The following RERGL variants were observed in gnomAD, a reference collection of about 807,000 sequenced individuals.
RERGL encodes the protein RERG like, also known as ras-related and estrogen-regulated growth inhibitor-like protein.
RERGL carries 22 observed loss-of-function variants against 24.7 expected under a neutral mutation model. The ratio of observed to expected loss-of-function variants is 0.89; its 90% CI spans 0.64 to 1.27. RERGL has a LOEUF of 1.27. Among genes scored for constraint, RERGL ranks in the 50% most tolerant of loss-of-function variants. The probability of loss-of-function intolerance (pLI) is 0.00; values close to 1 mark genes in which losing one functional copy is unlikely to be tolerated. For synonymous variants in RERGL, 76 were observed against 82.6 expected (o/e 0.92, Z 0.43); for missense variants, 259 against 235.3 (o/e 1.10, Z -0.66).
intron 4 of RERGL, among the ~76,000 whole-genome samples, chr12:18,081,739 C>T (rs1046390910): frequency 2.0e-5 from 3 of 152,222 alleles, no homozygotes; most frequent in South Asian, 2.1e-4. Flanking sequence ...TTATTGAATT[C>T]TGGTGCTGTC....
intron 4 of RERGL, among the ~76,000 whole-genome samples, chr12:18,083,353 T>C (rs1296175725): frequency 1.3e-5 from 2 of 152,106 alleles, no homozygotes; most frequent in African/African-American, 4.8e-5. Flanking sequence ...TGTTTTTAAG[T>C]GTTCTTGAGT....
rs1378100875 is a variant in RERGL at position 18,084,570 on chromosome 12, A to G, written c.279T>C (p.Phe93=). 9 of 1,612,550 alleles carry G rather than the reference A, an allele frequency of 5.6e-6. No individual in the cohort carries two copies. In the Admixed American group the frequency reaches 1.5e-4, roughly 27 times the overall value. The change falls in exon 4 of 5, where the codon TTT becomes TTC. Residue 93 remains phenylalanine, a synonymous_variant. Coordinates refer to ENST00000538724, the MANE Select transcript of RERGL (RefSeq NM_001286201.2). ...YDISDRSSFA[F]AKALIYRIRE... is the part of the protein sequence containing the mutation. ...GGATTCTGTAGATCAGCGCTTTTGC[A>G]AAAGCAAATGAAGACCTATCACTGA...
In RERGL at chr12:18,081,375, T is replaced by C. The variant is rs753082756; in HGVS notation, c.431A>G (p.Asn144Ser). 12 of 1,614,088 alleles carry C rather than the reference T, an allele frequency of 7.4e-6. No homozygotes were observed. The highest frequency in any genetic ancestry group is 1.0e-5 in the Non-Finnish European group (12 of 1,179,988). The change falls in exon 5 of 5, where the codon AAC (asparagine) becomes AGC (serine). Residue 144 changes from asparagine (N) to serine (S), a missense_variant. By Grantham distance (46) the Asn-to-Ser change is conservative. Coordinates refer to ENST00000538724, the MANE Select transcript of RERGL (RefSeq NM_001286201.2). Reference protein sequence around the residue: ...WEEGQKLALENRCQFCELSAA... With the variant: ...WEEGQKLALESRCQFCELSAA... Reference sequence around the variant, plus strand: ...AGACAGTTCACAGAATTGGCATCGGTTTTCCAGTGCCAGCTTTTGCCCTTC... The same window carrying C: ...AGACAGTTCACAGAATTGGCATCGGCTTTCCAGTGCCAGCTTTTGCCCTTC...
chr12:18,087,308 C>T (rs1353816489), intron 2 of RERGL, among the ~76,000 whole-genome samples: 3 of 152,184 alleles, frequency 2.0e-5, no homozygotes, highest in Non-Finnish European at 4.4e-5. Flanking sequence ...GACTTCTTAA[C>T]TCCTACCAGG....
intron 2 of RERGL, among the ~76,000 whole-genome samples, chr12:18,086,995 A>C (rs1947227549): frequency 6.6e-6 from 1 of 152,274 alleles, no homozygotes; most frequent in Non-Finnish European, 1.5e-5. Context: ...TTGATTATTT[A>C]TTTGTCTTAT....
At position 18,082,168 on chromosome 12, in the gene RERGL, G is replaced by A. The variant is rs531434411; in HGVS notation, c.333-695C>T. On this transcript the variant is annotated intron_variant, in intron 4 of 4. Transcript: ENST00000538724. ...CAAAAAAAAAAAAAAAAGAATGAGA[G>A]CATGCCCTTTGCGGGGACATGGATG... 1.5e-3 allele frequency among the ~76,000 whole-genome samples: 226 copies of A among 150,278 alleles called. 2 individuals are homozygous for A. The highest frequency in any genetic ancestry group is 5.1e-3 in the African/African-American group (209 of 40,790).
chr12:18,081,878 C>T (rs896598755), intron 4 of RERGL, among the ~76,000 whole-genome samples: 1 of 152,144 alleles, frequency 6.6e-6, no homozygotes, highest in African/African-American at 2.4e-5. Flanking sequence ...CGGTGGCTCA[C>T]GCCTGTAATC....
chr12:18,088,313 A>G (rs1223603517), intron 2 of RERGL, among the ~76,000 whole-genome samples: 1 of 152,094 alleles, frequency 6.6e-6, no homozygotes, highest in East Asian at 1.9e-4. Flanking sequence ...ACTATTTCCC[A>G]TATATTATGC....
intron 3 of RERGL, 58 bp from the exon 4 acceptor site, chr12:18,084,723 T>G (rs955107548): frequency 6.8e-7 from 1 of 1,477,766 alleles, no homozygotes; most frequent in Non-Finnish European, 9.1e-7. Flanking sequence ...GTTTTTATAC[T>G]TTAAACAGTT....
intron 4 of RERGL, among the ~76,000 whole-genome samples, chr12:18,083,466 C>T (rs1489655440): frequency 6.6e-6 from 1 of 151,992 alleles, no homozygotes; most frequent in Non-Finnish European, 1.5e-5. Context: ...CAATGGAGTT[C>T]TAAAATATCA....
chr12:18,084,512 C>G lies in RERGL; in HGVS notation c.332+5G>C, dbSNP rs1947200370. The G allele has an allele frequency of 6.3e-7, 1 of 1,597,844 alleles. No individual in the cohort carries two copies. The highest frequency in any genetic ancestry group is 1.4e-5 in the African/African-American group (1 of 73,842). On this transcript the variant is annotated splice_donor_5th_base_variant and intron_variant, in intron 4 of 4. Transcript: ENST00000538724. Reference sequence around the variant, plus strand: ...GAAAGGAGAAAGGAATGAAAAATACCTTACCTTTTACAATGACTAGTTTGT... The same window carrying G: ...GAAAGGAGAAAGGAATGAAAAATACGTTACCTTTTACAATGACTAGTTTGT...
chr12:18,081,053 G>A lies in RERGL; in HGVS notation c.*138C>T, dbSNP rs866276547. ...AAACTACATATTTGAAAACACAGCT[G>A]TGGTTCATACTCAATCATTTCATAT... is the stretch of plus-strand genomic sequence containing the variant. On this transcript the variant is annotated 3_prime_UTR_variant, in exon 5 of 5. Transcript: ENST00000538724. 5.7e-5 allele frequency: 43 copies of A among 751,888 alleles called. No individual in the cohort carries two copies. Among genetic ancestry groups the A allele is most frequent in the Middle Eastern group, 3.9e-4 (1 of 2,560 alleles). 46.6% of individuals were successfully genotyped at this position (751,888 alleles called of 1,614,324 possible). A position where few individuals can be genotyped will look rare whatever the true frequency, so the allele number is the denominator to read the frequency against.
intron 2 of RERGL, among the ~76,000 whole-genome samples, chr12:18,087,313 A>G (rs1448699567): frequency 6.6e-6 from 1 of 152,148 alleles, no homozygotes; most frequent in Non-Finnish European, 1.5e-5. Context: ...CTTAACTCCT[A>G]CCAGGTTATA....
In RERGL at chr12:18,081,196, C is replaced by T; in HGVS notation, c.610G>A (p.Val204Ile). ...NNVFGKRRKSV is the reference protein window; with the variant it reads ...NNVFGKRRKSI ...CTCCCAGGATTACCTGTCTACTAAA[C>T]AGATTTCCTTCTCTTTCCAAATACA... The change falls in exon 5 of 5, where the codon GTT becomes ATT. Residue 204 changes from valine (V) to isoleucine (I), a missense_variant. By Grantham distance (29) the Val-to-Ile change is conservative. Transcript: ENST00000538724. 4 of 1,599,966 alleles carry T rather than the reference C, an allele frequency of 2.5e-6. No individual in the cohort carries two copies. Among genetic ancestry groups the T allele is most frequent in the Middle Eastern group, 1.7e-4 (1 of 6,028 alleles).
chr12:18,084,713 G>A (rs967877595), intron 3 of RERGL, 48 bp from the exon 4 acceptor site: 4 of 1,538,844 alleles, frequency 2.6e-6, no homozygotes, highest in Admixed American at 4.0e-5. Flanking sequence ...TAATACCTGT[G>A]TTTTTATACT....
rs1294360704 is a variant in RERGL at position 18,085,740 on chromosome 12, G to A, written c.110-47C>T. On this transcript the variant is annotated intron_variant, in intron 2 of 4. Coordinates refer to ENST00000538724, the MANE Select transcript of RERGL (RefSeq NM_001286201.2). ...CTGTCAGTATGAAAATACTCCAAAC[G>A]TGAACTGATAAATTCAACCACTCAC... The A allele has an allele frequency of 7.6e-6, 8 of 1,049,870 alleles. No homozygotes were observed. The African/African-American group carries it at 8.1e-5, about 11-fold the overall frequency. 65.0% of individuals were successfully genotyped at this position (1,049,870 alleles called of 1,614,324 possible).
At chr12:18,085,050 TA>T (rs1356113708) in intron 3 of RERGL, among the ~76,000 whole-genome samples, 1 of 152,120 alleles carries the variant, frequency 6.6e-6, no homozygotes, top group Admixed American at 6.5e-5. Context: ...TTTAAATCAA[TA>T]AAAATCAAAA....
chr12:18,084,740 T>C (rs994787893), intron 3 of RERGL, 75 bp from the exon 4 acceptor site: 2 of 1,254,242 alleles, frequency 1.6e-6, no homozygotes, highest in African/African-American at 3.0e-5. Flanking sequence ...AGTTAACTAA[T>C]GGAGACCCAC....
chr12:18,089,805 T>C (rs1947253208), intron 1 of RERGL, among the ~76,000 whole-genome samples: 2 of 152,098 alleles, frequency 1.3e-5, no homozygotes, highest in African/African-American at 2.4e-5. Context: ...TTTCCTGTTA[T>C]TCCTATGAAT....
Sources: allele counts gnomAD v4.1 joint callset (sites outside exome capture counted in the v4.1 genomes callset), GRCh38; gene constraint gnomAD v4.1.1; transcripts MANE v1.5; gene names NCBI Gene and HGNC (gene_info 2026-07-23, HGNC 2026-07-21).